Variants in PPP4R2 observed in about 807,000 individuals in gnomAD.
PPP4R2 encodes the protein serine/threonine-protein phosphatase 4 regulatory subunit 2.
In PPP4R2, 13 loss-of-function variants were observed where a neutral mutation model predicts 47.2. That is an observed-to-expected ratio of 0.28 (90% CI 0.18 to 0.44). The LOEUF is 0.44. PPP4R2 is among the 20% of genes least tolerant of loss of function. The probability of loss-of-function intolerance (pLI) is 1.00; values close to 1 mark genes in which losing one functional copy is unlikely to be tolerated. For missense variants in PPP4R2, 421 were observed against 491.2 expected (o/e 0.86, Z 1.35); for synonymous variants, 151 against 163.3 (o/e 0.92, Z 0.57).
At chr3:73,059,514 T>C (rs1702797637) in intron 4 of PPP4R2, among the ~76,000 whole-genome samples, 1 of 152,184 alleles carries the variant, frequency 6.6e-6, no homozygotes, top group South Asian at 2.1e-4. Flanking sequence ...CTTTGGAAAC[T>C]TACTGGTGCC....
At chr3:73,019,345 G>C (rs776600603) in intron 2 of PPP4R2, among the ~76,000 whole-genome samples, 23 of 152,192 alleles carry the variant, frequency 1.5e-4, no homozygotes, top group African/African-American at 5.5e-4. Context: ...ACAGAACACT[G>C]TCTTCATCTA....
intron 2 of PPP4R2, chr3:73,016,067 TC>T (rs1701826056): frequency 6.5e-6 from 1 of 154,860 alleles, no homozygotes; most frequent in South Asian, 1.9e-4. Context: ...ATGCCTGGCC[TC>T]TACTATCTGA....
chr3:73,049,459 A>G (rs1702565177), intron 3 of PPP4R2, among the ~76,000 whole-genome samples: 1 of 152,096 alleles, frequency 6.6e-6, no homozygotes, highest in South Asian at 2.1e-4. Flanking sequence ...AGATCTCGCT[A>G]CTGCATTTCA....
At chr3:73,061,123 A>G in intron 5 of PPP4R2, 63 bp downstream of exon 5, 1 of 729,190 alleles carries the variant, frequency 1.4e-6, no homozygotes, top group East Asian at 3.1e-5. Flanking sequence ...TATTGCTTCT[A>G]ATATATTATT....
intron 3 of PPP4R2, among the ~76,000 whole-genome samples, chr3:73,048,607 G>A (rs150067098): frequency 1.1e-4 from 17 of 152,334 alleles, no homozygotes; most frequent in African/African-American, 4.1e-4. Flanking sequence ...TGTTTGTGAA[G>A]TTGAATTATT....
intron 2 of PPP4R2, among the ~76,000 whole-genome samples, chr3:73,016,813 CTTTTTTTTTTTTT>C (rs1207946652): frequency 1.4e-5 from 1 of 72,908 alleles, no homozygotes; most frequent in Admixed American, 1.7e-4. Context: ...TTCATTGTTT[CTTTTTTTTTTTTT>C]TTTTTTTTTA....
intron 3 of PPP4R2, among the ~76,000 whole-genome samples, chr3:73,055,867 A>G (rs2107327367): frequency 6.6e-6 from 1 of 152,146 alleles, no homozygotes; most frequent in East Asian, 1.9e-4. Flanking sequence ...CGGCTTCCCA[A>G]AGTCCTGGGA....
chr3:73,011,034 G>A (rs1032060491), intron 2 of PPP4R2, among the ~76,000 whole-genome samples: 2 of 151,870 alleles, frequency 1.3e-5, no homozygotes, highest in African/African-American at 4.8e-5. Flanking sequence ...GCTAAGTAAT[G>A]GAACTGGGTT....
chr3:73,054,115 G>A (rs1407323156), intron 3 of PPP4R2, among the ~76,000 whole-genome samples: 2 of 151,954 alleles, frequency 1.3e-5, no homozygotes, highest in Admixed American at 6.6e-5. Context: ...ACAGGGTTTC[G>A]CCATGTTGGC....
At chr3:73,062,287 G>A in intron 5 of PPP4R2, 1 of 1,607,880 alleles carries the variant, frequency 6.2e-7, no homozygotes, top group Non-Finnish European at 8.5e-7. Flanking sequence ...GACAGGAGTG[G>A]GCTCCCTGAC....
At chr3:73,055,419 TGTGTGTGTGTGTG>T (rs1702712239) in intron 3 of PPP4R2, among the ~76,000 whole-genome samples, 1 of 42,628 alleles carries the variant, frequency 2.3e-5, no homozygotes, top group Non-Finnish European at 7.0e-5. Context: ...TGGGGTAGCG[TGTGTGTGTGTGTG>T]TGTGTGTGTG....
chr3:73,015,639 C>CTTTTT (rs1357650265), intron 2 of PPP4R2, among the ~76,000 whole-genome samples: 4 of 139,042 alleles, frequency 2.9e-5, no homozygotes, highest in South Asian at 2.3e-4. Context: ...CCATGCCCAG[C>CTTTTT]TTTTTTTTTT....
At chr3:73,063,118 A>G (rs1056633803) in intron 5 of PPP4R2, 10 of 539,484 alleles carry the variant, frequency 1.9e-5, no homozygotes, top group African/African-American at 1.2e-4. Context: ...AATGTTCCCA[A>G]ACTTAGCAAC....
intron 2 of PPP4R2, among the ~76,000 whole-genome samples, chr3:73,028,875 G>GAA (rs1306428829): frequency 1.3e-5 from 2 of 152,204 alleles, no homozygotes; most frequent in East Asian, 3.9e-4. Context: ...GGGAATGGGG[G>GAA]AAATATAATG....
rs5850095 is a variant in PPP4R2 at position 73,055,667 on chromosome 3, C to CTTTT, written c.288-3361_288-3358dup. Among the ~76,000 whole-genome samples the CTTTT allele has an allele frequency of 2.8e-5, 4 of 143,092 alleles. No individual in the cohort carries two copies. In the South Asian group the frequency reaches 8.7e-4, roughly 31 times the overall value. 93.9% of individuals were successfully genotyped at this position (143,092 alleles called of 152,430 possible). On this transcript the variant is annotated intron_variant, in intron 3 of 8. Coordinates refer to ENST00000356692, the MANE Select transcript of PPP4R2 (RefSeq NM_174907.4). The stretch of plus-strand genomic sequence containing the variant: ...ATATCATTGCAGAGTAAACCAAACG[C>CTTTT]TTTTTTTTTTTTGGAGACAGTCTCA...
intron 2 of PPP4R2, among the ~76,000 whole-genome samples, chr3:73,014,686 GT>G (rs199917657): frequency 4.0e-5 from 6 of 151,206 alleles, no homozygotes; most frequent in Admixed American, 2.0e-4. Context: ...ACATCTTATA[GT>G]TTTTTTTTAT....
rs115120517 is a variant in PPP4R2 at position 73,063,805 on chromosome 3, A to T, written c.494+58A>T. 1,143 of 1,264,592 alleles carry T rather than the reference A, an allele frequency of 9.0e-4. 6 individuals are homozygous for T. In the African/African-American group the frequency reaches 0.015, roughly 16 times the overall value. 78.3% of individuals were successfully genotyped at this position (1,264,592 alleles called of 1,614,324 possible). On this transcript the variant is annotated intron_variant, in intron 6 of 8. Coordinates refer to ENST00000356692, the MANE Select transcript of PPP4R2 (RefSeq NM_174907.4). ...TTGCATTGTCCTGATTTTGAGTAGC[A>T]GGCTTAGTGTACTTTTTAAAAATTG...
intron 2 of PPP4R2, among the ~76,000 whole-genome samples, chr3:73,008,766 G>A (rs781775470): frequency 7.2e-5 from 11 of 152,122 alleles, no homozygotes; most frequent in East Asian, 1.9e-4. Flanking sequence ...TGTATGCTGG[G>A]CATAAATAGA....
rs370759875 is a variant in PPP4R2 at position 73,065,150 on chromosome 3, A to C, written c.928+9A>C. 1.3e-4 allele frequency: 199 copies of C among 1,591,040 alleles called. No homozygotes were observed. In the African/African-American group the frequency reaches 2.4e-3, roughly 19 times the overall value. On this transcript the variant is annotated intron_variant, in intron 8 of 8. Transcript: ENST00000356692. ...TGAAGAGGAAGAAGAAGGTATTTAGAGACCATCTGTAAAAGGGTGGAGTAA... is the reference window on the plus strand; with the variant it reads ...TGAAGAGGAAGAAGAAGGTATTTAGCGACCATCTGTAAAAGGGTGGAGTAA...
Sources: allele counts gnomAD v4.1 joint callset (sites outside exome capture counted in the v4.1 genomes callset), GRCh38; gene constraint gnomAD v4.1.1; transcripts MANE v1.5; gene names NCBI Gene and HGNC (gene_info 2026-07-23, HGNC 2026-07-21).